CAND1: variants seen among roughly 807,000 people sequenced by gnomAD.
The protein encoded by CAND1 is cullin associated and neddylation dissociated 1.
A neutral mutation model predicts 108.5 loss-of-function variants in CAND1; 7 were observed. The observed-to-expected ratio is 0.06, with a 90% CI of 0.04 to 0.12. The LOEUF is 0.12. Ranked by LOEUF, CAND1 falls within the 10% of genes least tolerant of loss-of-function variation. The pLI is 1.00. For missense variants in CAND1, 941 were observed against 1,448.7 expected (o/e 0.65, Z 5.69); for synonymous variants, 534 against 512.0 (o/e 1.04, Z -0.58).
At position 67,307,872 on chromosome 12, in the gene CAND1, A is replaced by G. The variant is rs543861046; in HGVS notation, c.3025+380A>G. ...TCTTGCTTGAGCTATTAAGGCCTCAAATTTCAATTATTACTTCTAACACCC... is the reference window on the plus strand; with the variant it reads ...TCTTGCTTGAGCTATTAAGGCCTCAGATTTCAATTATTACTTCTAACACCC... On this transcript the variant is annotated intron_variant, in intron 11 of 14. Coordinates refer to ENST00000545606, the MANE Select transcript of CAND1 (RefSeq NM_018448.5). Among the ~76,000 whole-genome samples the G allele has an allele frequency of 6.6e-5, 10 of 152,066 alleles. No homozygotes were observed. In the South Asian group the frequency reaches 1.0e-3, roughly 16 times the overall value.
intron 3 of CAND1, among the ~76,000 whole-genome samples, chr12:67,294,605 G>A (rs1349871262): frequency 6.6e-6 from 1 of 152,122 alleles, no homozygotes; most frequent in Non-Finnish European, 1.5e-5. Context: ...AGATAGCATA[G>A]TTATCTATCT....
In CAND1 at chr12:67,305,478, T is replaced by C. The variant is rs775295008; in HGVS notation, c.1810T>C (p.Leu604=). 9.9e-6 allele frequency: 16 copies of C among 1,613,632 alleles called. No homozygotes were observed. The African/African-American group carries it at 1.7e-4, about 17-fold the overall frequency. Residue 604 remains leucine, a synonymous_variant, in exon 10 of 15, where the codon TTG becomes CTG. Transcript: ENST00000545606. The surrounding 1 kb of genome is among the most constrained non-coding windows in gnomAD (Gnocchi z 4.4). ...GQIICNLGDN[L]GSDLPNTLQI... The stretch of plus-strand genomic sequence containing the variant: ...AATTATTTGCAACCTTGGAGACAAT[T>C]TGGGTTCTGACTTGCCTAATACACT...
rs1171031539 is a variant in CAND1, at chr12:67,313,107, A to C, written c.*277A>C. On this transcript the variant is annotated 3_prime_UTR_variant, in exon 15 of 15. Transcript: ENST00000545606. ...GAAACTAAAAGTTAGGATTTTATGG[A>C]GTATGGAGATAGGGTCCAGTATCTA... 10 of 267,962 alleles carry C rather than the reference A, an allele frequency of 3.7e-5. No homozygotes were observed. The highest frequency in any genetic ancestry group is 7.1e-5 in the East Asian group (1 of 14,150). 16.6% of individuals were successfully genotyped at this position (267,962 alleles called of 1,614,324 possible).
At chr12:67,312,000 A>G (rs184591705) in intron 14 of CAND1, among the ~76,000 whole-genome samples, 200 bp downstream of exon 14, 153 of 152,284 alleles carry the variant, frequency 1.0e-3, no homozygotes, top group African/African-American at 3.5e-3. Context: ...GTTTATTGCT[A>G]TATCAATATG....
At position 67,304,715 on chromosome 12, in the gene CAND1, C is replaced by G; in HGVS notation, c.1404C>G (p.Ala468=). ...LTELVNVLPG[A]LTQHIPVLVP... The stretch of plus-strand genomic sequence containing the variant: ...AGCTGGTAAATGTATTACCTGGGGC[C>G]CTAACTCAACACATTCCTGTACTTG... Residue 468 remains alanine, a synonymous_variant, in exon 9 of 15, where the codon GCC becomes GCG. Coordinates refer to ENST00000545606, the MANE Select transcript of CAND1 (RefSeq NM_018448.5). 3 of 1,613,758 alleles carry G rather than the reference C, an allele frequency of 1.9e-6. No individual in the cohort carries two copies. The highest frequency in any genetic ancestry group is 1.3e-5 in the African/African-American group (1 of 74,996).
At position 67,312,967 on chromosome 12, in the gene CAND1, G is replaced by GT. The variant is rs2044968687; in HGVS notation, c.*140dup. 8 of 535,006 alleles carry GT rather than the reference G, an allele frequency of 1.5e-5. No individual in the cohort carries two copies. The highest frequency in any genetic ancestry group is 3.7e-5 in the Admixed American group (1 of 27,310). The allele number at this position is 535,006 out of a possible 1,614,324, so 33.1% of individuals were successfully genotyped here. On this transcript the variant is annotated 3_prime_UTR_variant, in exon 15 of 15. Coordinates refer to ENST00000545606, the MANE Select transcript of CAND1 (RefSeq NM_018448.5). ...TTTTTTTCCTTCATGGAGACTGTTT[G>GT]TTTGGCTTTCTTCCATTGTTGTTTT...
intron 1 of CAND1, among the ~76,000 whole-genome samples, chr12:67,280,795 T>G (rs1259392342): frequency 6.6e-6 from 1 of 152,224 alleles, no homozygotes; most frequent in East Asian, 1.9e-4. Context: ...TCCTTTTCAT[T>G]TAAAGCTGAG....
In CAND1 at chr12:67,317,283, G is replaced by C. The variant is rs980436463; in HGVS notation, c.*4453G>C. 6.6e-6 allele frequency: 1 copy of C among 151,970 alleles called. No individual in the cohort carries two copies. Among genetic ancestry groups the C allele is most frequent in the Admixed American group, 6.6e-5 (1 of 15,244 alleles). 9.4% of individuals were successfully genotyped at this position (151,970 alleles called of 1,614,324 possible). On this transcript the variant is annotated 3_prime_UTR_variant, in exon 15 of 15. Transcript: ENST00000545606. ...CCCGAGTAGCTGGGAGTATAGGTGT[G>C]TGCCACCACGTCCAGCTAATTTTTT...
chr12:67,297,240 T>C (rs772572761), intron 4 of CAND1, 167 bp from the exon 5 acceptor site: 7 of 717,928 alleles, frequency 9.8e-6, no homozygotes, highest in Non-Finnish European at 1.7e-5. Flanking sequence ...AGGTTTCAGT[T>C]GCATTGGTAG....
At chr12:67,306,683 G>A in intron 10 of CAND1, 86 bp downstream of exon 10, 1 of 1,045,652 alleles carries the variant, frequency 9.6e-7, no homozygotes, top group Non-Finnish European at 1.4e-6. Context: ...GTTAAGCCAT[G>A]TCTATATTTT....
rs1476355711 is a variant in CAND1, at chr12:67,306,386, G to A, written c.2718G>A (p.Gln906=). The A allele has an allele frequency of 1.9e-6, 3 of 1,614,014 alleles. No homozygotes were observed. The highest frequency in any genetic ancestry group is 2.5e-6 in the Non-Finnish European group (3 of 1,179,928). ...AAATAACTAGTCAACCCAAAAGGCA[G>A]TATCTTTTACTTCATTCCTTGAAGG... ...LQEITSQPKR[Q]YLLLHSLKEI... Residue 906 remains glutamine, a synonymous_variant, in exon 10 of 15, where the codon CAG becomes CAA. Transcript: ENST00000545606.
intron 8 of CAND1, 26 bp from the exon 9 acceptor site, chr12:67,304,579 A>G: frequency 6.2e-7 from 1 of 1,607,258 alleles, no homozygotes; most frequent in Non-Finnish European, 8.5e-7. Context: ...CAGCTGAACC[A>G]GCTAATGACT....
chr12:67,269,380 C>T lies in CAND1; in HGVS notation c.-338C>T. ...GGCCTTTTGCCCTAGGGAGCGAGTGCGGAGCGAGTGGGAGCGAGACGGCCC... is the reference window on the plus strand; with the variant it reads ...GGCCTTTTGCCCTAGGGAGCGAGTGTGGAGCGAGTGGGAGCGAGACGGCCC... On this transcript the variant is annotated 5_prime_UTR_variant, in exon 1 of 15. Coordinates refer to ENST00000545606, the MANE Select transcript of CAND1 (RefSeq NM_018448.5). The T allele has an allele frequency of 3.2e-6, 1 of 315,662 alleles. No individual in the cohort carries two copies. Among genetic ancestry groups the T allele is most frequent in the South Asian group, 4.2e-5 (1 of 23,974 alleles). 19.6% of individuals were successfully genotyped at this position (315,662 alleles called of 1,614,324 possible).
At chr12:67,272,916 C>T (rs370126329) in intron 1 of CAND1, among the ~76,000 whole-genome samples, 3 of 152,092 alleles carry the variant, frequency 2.0e-5, no homozygotes, top group East Asian at 3.9e-4. Context: ...AGCATGGTCT[C>T]GATCTTCTAA....
chr12:67,311,471 GCT>G (rs1431167546), intron 13 of CAND1: 1 of 6,768 alleles, frequency 1.5e-4, no homozygotes, highest in Admixed American at 1.2e-3. Context: ...TGTTTCTAAA[GCT>G]CTCTGGATGA....
chr12:67,275,003 C>A (rs2044555698), intron 1 of CAND1, among the ~76,000 whole-genome samples: 1 of 151,956 alleles, frequency 6.6e-6, no homozygotes, highest in African/African-American at 2.4e-5. Flanking sequence ...AATAGATTTG[C>A]AGAGATTAAG....
chr12:67,276,602 A>G (rs1466485811), intron 1 of CAND1, among the ~76,000 whole-genome samples: 1 of 152,230 alleles, frequency 6.6e-6, no homozygotes, highest in Non-Finnish European at 1.5e-5. Context: ...GGAAAGCTGT[A>G]GTTGGTAAAG....
At chr12:67,287,589 T>C (rs2044683112) in intron 2 of CAND1, among the ~76,000 whole-genome samples, 1 of 152,152 alleles carries the variant, frequency 6.6e-6, no homozygotes, top group Admixed American at 6.5e-5. Flanking sequence ...TTTGGTGATT[T>C]GTGTTCCTTT....
chr12:67,309,775 T>G, intron 11 of CAND1, 126 bp from the exon 12 acceptor site: 1 of 647,984 alleles, frequency 1.5e-6, no homozygotes, highest in South Asian at 2.5e-5. Context: ...GGTTCTTCCC[T>G]GACCGTCACT....
Sources: gnomAD v4.1 joint callset for allele counts (sites outside exome capture counted in the v4.1 genomes callset) on GRCh38, gnomAD v4.1.1 for gene constraint, Gnocchi (gnomAD v3.1) non-coding constraint, MANE v1.5 for transcripts, NCBI Gene and HGNC (gene_info 2026-07-23, HGNC 2026-07-21) for gene names.